PTPRN2: variants seen among roughly 807,000 people sequenced by gnomAD.
The protein encoded by PTPRN2 is receptor-type tyrosine-protein phosphatase N2.
A neutral mutation model predicts 118.8 loss-of-function variants in PTPRN2; 74 were observed. The ratio of observed to expected loss-of-function variants is 0.62; its 90% confidence interval spans 0.52 to 0.76. The LOEUF (loss-of-function observed/expected upper bound fraction) is 0.76. Among genes scored for constraint, PTPRN2 ranks in the 30% least tolerant of loss-of-function variants. The pLI is 0.00. For synonymous variants in PTPRN2, 641 were observed against 608.0 expected (o/e 1.05, Z -0.80); for missense variants, 1,481 against 1,394.4 (o/e 1.06, Z -0.99).
At chr7:158,282,965 A>G (rs1586121927) in intron 3 of PTPRN2, among the ~76,000 whole-genome samples, 1 of 142,590 alleles carries the variant, frequency 7.0e-6, no homozygotes, top group South Asian at 2.3e-4. Flanking sequence ...ACGCAGCAGC[A>G]GGACATAGAC....
intron 12 of PTPRN2, among the ~76,000 whole-genome samples, chr7:157,825,708 C>T (rs1585563668): frequency 6.6e-6 from 1 of 152,176 alleles, no homozygotes; most frequent in South Asian, 2.1e-4. Flanking sequence ...GTATCTCTCT[C>T]GAGGCAGACC....
intron 2 of PTPRN2, among the ~76,000 whole-genome samples, chr7:158,429,514 AC>A (rs35926618): frequency 6.6e-6 from 1 of 151,600 alleles, no homozygotes; most frequent in African/African-American, 2.4e-5. Flanking sequence ...GCTTCCACAA[AC>A]CCTTAGACCC....
At chr7:158,270,797 A>C (rs141960589) in intron 3 of PTPRN2, among the ~76,000 whole-genome samples, 1 of 36,376 alleles carries the variant, frequency 2.7e-5, no homozygotes, top group Non-Finnish European at 4.6e-5. Context: ...CTCCACCTGG[A>C]CCACCCCCTC....
Position 158,322,459 on chromosome 7 carries a change from G to A in PTPRN2, c.164-5527C>T, listed in dbSNP as rs957146730. 5.3e-5 allele frequency among the ~76,000 whole-genome samples: 8 copies of A among 152,330 alleles called. No individual in the cohort carries two copies. The East Asian group carries it at 9.7e-4, about 18-fold the overall frequency. ...CACTCCAGGCTAAGGGAGCAGCTCC[G>A]TGCATGGCAGCATCCAGCCCCGGTG... is the stretch of plus-strand genomic sequence containing the variant. On this transcript the variant is annotated intron_variant, in intron 2 of 22. Coordinates refer to ENST00000389418, the MANE Select transcript of PTPRN2 (RefSeq NM_002847.5).
At position 158,296,592 on chromosome 7, in the gene PTPRN2, C is replaced by A. The variant is rs181250367; in HGVS notation, c.277+20227G>T. Among the ~76,000 whole-genome samples the A allele has an allele frequency of 7.4e-3, 1,132 of 152,308 alleles. 8 individuals carry two copies. Among genetic ancestry groups the A allele is most frequent in the Non-Finnish European group, 0.01 (686 of 68,030 alleles). ...AAAAAAGCACCCTGTAACACACGCC[C>A]ACTGGGGCTTTAGGAGCTGTAAGCA... On this transcript the variant is annotated intron_variant, in intron 3 of 22. Coordinates refer to ENST00000389418, the MANE Select transcript of PTPRN2 (RefSeq NM_002847.5).
intron 11 of PTPRN2, among the ~76,000 whole-genome samples, chr7:157,902,388 T>G (rs528086757): frequency 7.9e-3 from 1,046 of 132,182 alleles, no homozygotes; most frequent in African/African-American, 0.039. Flanking sequence ...AACCTCACCG[T>G]GGCCTCAAGA....
intron 2 of PTPRN2, among the ~76,000 whole-genome samples, chr7:158,333,267 C>T (rs1804861101): frequency 7.5e-6 from 1 of 132,582 alleles, no homozygotes; most frequent in African/African-American, 3.1e-5. Flanking sequence ...CCGCAGGAGT[C>T]ACTCACACCC....
At chr7:157,551,035 T>TCTCCTC (rs968851646) in intron 21 of PTPRN2, among the ~76,000 whole-genome samples, 1 of 152,026 alleles carries the variant, frequency 6.6e-6, no homozygotes, top group African/African-American at 2.4e-5. Flanking sequence ...AGCCGCTTCC[T>TCTCCTC]CTCCTCCTCC....
chr7:157,571,913 A>G (rs369845524), intron 19 of PTPRN2, among the ~76,000 whole-genome samples: 1 of 152,228 alleles, frequency 6.6e-6, no homozygotes, highest in African/African-American at 2.4e-5. Context: ...TAGTCCAGAC[A>G]TCATATTGAA....
intron 12 of PTPRN2, among the ~76,000 whole-genome samples, chr7:157,789,777 GTA>G (rs1265059772): frequency 6.7e-6 from 1 of 150,058 alleles, no homozygotes; most frequent in East Asian, 2.0e-4. Flanking sequence ...TGGTGTGTGT[GTA>G]TATGGTATGT....
Position 158,418,588 on chromosome 7 carries a change from C to T in PTPRN2, c.163+71147G>A, listed in dbSNP as rs10270474. Among the ~76,000 whole-genome samples, 649 of 144,310 alleles carry T rather than the reference C, an allele frequency of 4.5e-3. 7 individuals are homozygous for T. The highest frequency in any genetic ancestry group is 0.015 in the African/African-American group (610 of 39,620). The allele number at this position is 144,310 out of a possible 152,430, so 94.7% of individuals were successfully genotyped here. A position where few individuals can be genotyped will look rare whatever the true frequency, so the allele number is the denominator to read the frequency against. On this transcript the variant is annotated intron_variant, in intron 2 of 22. Transcript: ENST00000389418. ...TGTGTTAAGTCACGGTGTACTACAT[C>T]GAGATGCTGTAGCTCTCCGTGTCCC...
intron 2 of PTPRN2, among the ~76,000 whole-genome samples, chr7:158,328,551 A>G (rs57920447): frequency 0.4 from 61,566 of 152,114 alleles, 12,704 homozygotes; most frequent in Middle Eastern, 0.47. Flanking sequence ...GAGGAGCCCC[A>G]CGTCCGGGCA....
At chr7:158,372,528 C>T (rs1227240204) in intron 2 of PTPRN2, among the ~76,000 whole-genome samples, 1 of 151,618 alleles carries the variant, frequency 6.6e-6, no homozygotes, top group Non-Finnish European at 1.5e-5. Context: ...AGCTGGTCCC[C>T]CCATGCTGGT....
At position 158,563,483 on chromosome 7, in the gene PTPRN2, A is replaced by C. The variant is rs1827504426; in HGVS notation, c.112+24075T>G. On this transcript the variant is annotated intron_variant, in intron 1 of 22. Coordinates refer to ENST00000389418, the MANE Select transcript of PTPRN2 (RefSeq NM_002847.5). This position sits in a 1 kb window ranked among gnomAD's most constrained non-coding sequence, Gnocchi z 5.1. Reference sequence around the variant, plus strand: ...CAAAACCCAGCTGGTGCAAGCTAAAAAAATGACCAAGATATAAGGCCGTGG... The same window carrying C: ...CAAAACCCAGCTGGTGCAAGCTAAACAAATGACCAAGATATAAGGCCGTGG... Among the ~76,000 whole-genome samples, 1 of 152,262 alleles carries C rather than the reference A, an allele frequency of 6.6e-6. No individual in the cohort carries two copies. The highest frequency in any genetic ancestry group is 6.5e-5 in the Admixed American group (1 of 15,288).
chr7:158,410,263 A>G (rs1002038215), intron 2 of PTPRN2, among the ~76,000 whole-genome samples: 1 of 152,030 alleles, frequency 6.6e-6, no homozygotes, highest in Non-Finnish European at 1.5e-5. Flanking sequence ...CCGACACCAA[A>G]ATGTCAACCT....
intron 11 of PTPRN2, among the ~76,000 whole-genome samples, chr7:157,999,242 G>C (rs990449602): frequency 6.6e-6 from 1 of 152,068 alleles, no homozygotes; most frequent in African/African-American, 2.4e-5. Flanking sequence ...CTTCTCCCTC[G>C]CTCAAGCCAT....
chr7:157,777,855 A>T (rs1803426875), intron 12 of PTPRN2, among the ~76,000 whole-genome samples: 1 of 152,178 alleles, frequency 6.6e-6, no homozygotes, highest in African/African-American at 2.4e-5. Context: ...CCAGAATAAG[A>T]TGTCTGCTGA....
intron 13 of PTPRN2, among the ~76,000 whole-genome samples, chr7:157,659,180 T>G (rs1006049257): frequency 6.6e-6 from 1 of 151,110 alleles, no homozygotes. Context: ...TTCGGACTCA[T>G]AGCGAGATAC....
At chr7:158,458,702 G>A (rs986911482) in intron 2 of PTPRN2, among the ~76,000 whole-genome samples, 2 of 152,132 alleles carry the variant, frequency 1.3e-5, no homozygotes, top group Non-Finnish European at 2.9e-5. Flanking sequence ...AGTAGATTTG[G>A]GATTCAAATC....
Sources: gnomAD v4.1 joint callset for allele counts (sites outside exome capture counted in the v4.1 genomes callset) on GRCh38, gnomAD v4.1.1 for gene constraint, Gnocchi (gnomAD v3.1) non-coding constraint, MANE v1.5 for transcripts, NCBI Gene and HGNC (gene_info 2026-07-23, HGNC 2026-07-21) for gene names.